The following EXOC4 variants were observed in gnomAD, a reference collection of about 807,000 sequenced individuals.
EXOC4 encodes the protein exocyst complex component 4.
In EXOC4, 71 loss-of-function variants were observed where a neutral mutation model predicts 107.2. The observed-to-expected ratio is 0.66, with a 90% CI of 0.55 to 0.81. The LOEUF (loss-of-function observed/expected upper bound fraction) is 0.81, where lower values mean the gene tolerates loss of function less well. Among genes scored for constraint, EXOC4 ranks in the 30% least tolerant of loss-of-function variants. The pLI is 0.00. For synonymous variants in EXOC4, 456 were observed against 441.2 expected (o/e 1.03, Z -0.42); for missense variants, 1,108 against 1,189.6 (o/e 0.93, Z 1.01).
chr7:134,017,237 T>C (rs1794930093), intron 17 of EXOC4, among the ~76,000 whole-genome samples: 1 of 152,018 alleles, frequency 6.6e-6, no homozygotes, highest in African/African-American at 2.4e-5. Context: ...GATTTGGGAT[T>C]AATTTTGTAG....
chr7:133,296,979 T>TG (rs1052864463), intron 3 of EXOC4, among the ~76,000 whole-genome samples: 4 of 152,156 alleles, frequency 2.6e-5, no homozygotes, highest in Non-Finnish European at 5.9e-5. Flanking sequence ...TTGGAACTAT[T>TG]GGTGTAGGGT....
At chr7:133,309,723 TGAG>T (rs900588940) in intron 4 of EXOC4, among the ~76,000 whole-genome samples, 8 of 152,308 alleles carry the variant, frequency 5.3e-5, no homozygotes, top group South Asian at 2.1e-4. Context: ...GAGGATCATT[TGAG>T]GTCAGGAGTT....
chr7:134,087,186 C>G, the EXOC4 span, among the ~76,000 whole-genome samples: 1 of 152,144 alleles, frequency 6.6e-6, no homozygotes, highest in African/African-American at 2.4e-5. Flanking sequence ...GTTCAAATGC[C>G]TCTGACATTT....
At position 133,444,658 on chromosome 7, in the gene EXOC4, A is replaced by G. The variant is rs74731985; in HGVS notation, c.1183-30670A>G. Among the ~76,000 whole-genome samples the G allele has an allele frequency of 3.0e-4, 46 of 152,290 alleles. No individual in the cohort carries two copies. In the East Asian group the frequency reaches 5.6e-3, roughly 19 times the overall value. ...TGGTCAGCAAGCCTTCTTTGAAGAGATGGCATTTGGGTTGAGTCCTGAGTG... is the reference window on the plus strand; with the variant it reads ...TGGTCAGCAAGCCTTCTTTGAAGAGGTGGCATTTGGGTTGAGTCCTGAGTG... On this transcript the variant is annotated intron_variant, in intron 7 of 17. Transcript: ENST00000253861.
Position 133,681,734 on chromosome 7 carries a change from A to G in EXOC4, c.1514+51593A>G, listed in dbSNP as rs114703008. On this transcript the variant is annotated intron_variant, in intron 10 of 17. Coordinates refer to ENST00000253861, the MANE Select transcript of EXOC4 (RefSeq NM_021807.4). Reference sequence around the variant, plus strand: ...TCATGGAGCAAAATGATTAGCTTGCATATTGTATGAATTTGGCCTTTACTT... The same window carrying G: ...TCATGGAGCAAAATGATTAGCTTGCGTATTGTATGAATTTGGCCTTTACTT... 5.5e-3 allele frequency among the ~76,000 whole-genome samples: 843 copies of G among 152,004 alleles called. 7 individuals carry two copies. Among genetic ancestry groups the G allele is most frequent in the African/African-American group, 0.019 (795 of 41,460 alleles).
At chr7:133,520,885 A>G (rs539837305) in intron 9 of EXOC4, among the ~76,000 whole-genome samples, 7 of 152,244 alleles carry the variant, frequency 4.6e-5, no homozygotes, top group Non-Finnish European at 1.0e-4. Context: ...CTGTTTTGCT[A>G]TAAAAATCAA....
At chr7:134,031,996 A>G (rs944538409) in intron 17 of EXOC4, among the ~76,000 whole-genome samples, 4 of 152,178 alleles carry the variant, frequency 2.6e-5, no homozygotes, top group Non-Finnish European at 5.9e-5. Context: ...TTGCCACCTG[A>G]TGACAACAAA....
At chr7:133,558,092 CTGCTTTTTTATT>C (rs1800729303) in intron 9 of EXOC4, among the ~76,000 whole-genome samples, 1 of 152,164 alleles carries the variant, frequency 6.6e-6, no homozygotes, top group Non-Finnish European at 1.5e-5. Context: ...CTTAATTTAT[CTGCTTTTTTATT>C]CCTTGATCAA....
At chr7:133,600,298 C>T (rs1480790463) in intron 9 of EXOC4, among the ~76,000 whole-genome samples, 3 of 152,100 alleles carry the variant, frequency 2.0e-5, no homozygotes, top group African/African-American at 4.8e-5. Flanking sequence ...GATGCTTCAC[C>T]TTTTGGTATC....
At chr7:133,294,237 A>G (rs754181209) in intron 3 of EXOC4, among the ~76,000 whole-genome samples, 4 of 152,198 alleles carry the variant, frequency 2.6e-5, no homozygotes, top group Middle Eastern at 3.2e-3. Flanking sequence ...CCAACCAGGA[A>G]GGTATTTCAT....
chr7:133,467,870 A>G (rs1229696076), intron 7 of EXOC4, among the ~76,000 whole-genome samples: 1 of 152,016 alleles, frequency 6.6e-6, no homozygotes, highest in Non-Finnish European at 1.5e-5. Flanking sequence ...TTGTCCTCCT[A>G]TAAATGCTCT....
chr7:133,503,286 A>G (rs1413374519), intron 9 of EXOC4, among the ~76,000 whole-genome samples: 1 of 152,158 alleles, frequency 6.6e-6, no homozygotes, highest in African/African-American at 2.4e-5. Context: ...ATTTTAAAAA[A>G]CATCTTCATA....
chr7:134,074,775 C>A, the EXOC4 span, among the ~76,000 whole-genome samples: 1 of 152,174 alleles, frequency 6.6e-6, no homozygotes, highest in Admixed American at 6.5e-5. Flanking sequence ...AAGAACAGGG[C>A]AACACACACG....
chr7:133,982,368 C>A (rs1469520434), intron 14 of EXOC4, among the ~76,000 whole-genome samples: 1 of 152,094 alleles, frequency 6.6e-6, no homozygotes, highest in East Asian at 1.9e-4. Context: ...CTGGCTAACA[C>A]AGTGAAACCA....
intron 17 of EXOC4, among the ~76,000 whole-genome samples, chr7:134,008,429 A>G (rs910216369): frequency 1.3e-5 from 2 of 152,170 alleles, no homozygotes; most frequent in African/African-American, 2.4e-5. Context: ...GGTATAAATG[A>G]GCCATATTTA....
At chr7:133,630,226 G>A (rs1802557261) in intron 10 of EXOC4, 85 bp downstream of exon 10, 4 of 1,009,406 alleles carry the variant, frequency 4.0e-6, no homozygotes, top group Non-Finnish European at 4.5e-6. Context: ...TGTTGAGTCA[G>A]CACTGAAACA....
rs369253856 is a variant in EXOC4 at position 134,060,882 on chromosome 7, C to A, written c.2688-3409C>A. On this transcript the variant is annotated intron_variant, in intron 17 of 17. Transcript: ENST00000253861. Reference sequence around the variant, plus strand: ...TTTTTCTCTCTAACTATAGAAAATACACCATCAATTACCTGTCAATTTTGT... The same window carrying A: ...TTTTTCTCTCTAACTATAGAAAATAAACCATCAATTACCTGTCAATTTTGT... Among the ~76,000 whole-genome samples, 121 of 152,284 alleles carry A rather than the reference C, an allele frequency of 7.9e-4. No homozygotes were observed. The Middle Eastern group carries it at 0.01, about 13-fold the overall frequency.
At chr7:133,510,283 A>G (rs1799744583) in intron 9 of EXOC4, among the ~76,000 whole-genome samples, 1 of 152,210 alleles carries the variant, frequency 6.6e-6, no homozygotes, top group Non-Finnish European at 1.5e-5. Context: ...TTTATAATTT[A>G]GCACACATCC....
chr7:134,026,680 A>G (rs1223340412), intron 17 of EXOC4, among the ~76,000 whole-genome samples: 1 of 152,132 alleles, frequency 6.6e-6, no homozygotes, highest in Non-Finnish European at 1.5e-5. Context: ...GCTGTTATGG[A>G]AAGATATTTT....
Sources: allele counts gnomAD v4.1 joint callset (sites outside exome capture counted in the v4.1 genomes callset), GRCh38; gene constraint gnomAD v4.1.1; transcripts MANE v1.5; gene names NCBI Gene and HGNC (gene_info 2026-07-23, HGNC 2026-07-21).